Variants in SPATS2L observed in about 807,000 individuals in gnomAD.
SPATS2L encodes the protein spermatogenesis associated serine rich 2 like, also known as SPATS2-like protein.
Under a neutral mutation model 59.6 loss-of-function variants are expected in SPATS2L, and 30 were observed. The ratio of observed to expected loss-of-function variants is 0.50; its 90% CI spans 0.38 to 0.68. The LOEUF (loss-of-function observed/expected upper bound fraction) is 0.68, where lower values mean the gene tolerates loss of function less well. Among genes scored for constraint, SPATS2L ranks in the 30% least tolerant of loss-of-function variants. The pLI is 0.00. For missense variants in SPATS2L, 615 were observed against 700.0 expected (o/e 0.88, Z 1.37); for synonymous variants, 252 against 263.5 (o/e 0.96, Z 0.42).
upstream of SPATS2L, chr2:200,306,627 G>C: frequency 1.0e-6 from 1 of 992,888 alleles, no homozygotes; most frequent in Non-Finnish European, 1.2e-6. Context: ...GGGAAGGCGG[G>C]CGGGTCGGCG....
chr2:200,412,562 C>T (rs1214903387), intron 4 of SPATS2L, 143 bp downstream of exon 4: 12 of 406,690 alleles, frequency 3.0e-5, no homozygotes, highest in East Asian at 2.6e-4. Context: ...CACATGATTG[C>T]GCTACTGCAC....
intron 2 of SPATS2L, chr2:200,372,246 C>T (rs2081450263): frequency 2.1e-6 from 2 of 958,668 alleles, no homozygotes; most frequent in African/African-American, 1.8e-5. Flanking sequence ...CCCATCTTCC[C>T]GAACTGTAAG....
intron 2 of SPATS2L, among the ~76,000 whole-genome samples, chr2:200,350,085 C>T (rs1169060992): frequency 6.6e-6 from 1 of 152,140 alleles, no homozygotes; most frequent in Non-Finnish European, 1.5e-5. Context: ...CTCTTGGGTT[C>T]AGTTTTCTAG....
In SPATS2L at chr2:200,477,773, A is replaced by T; in HGVS notation, c.1419A>T (p.Arg473Ser). The change falls in exon 13 of 13, where the codon AGA (arginine) becomes AGT (serine). Residue 473 changes from arginine (R) to serine (S), a missense_variant. Coordinates refer to ENST00000409140, the MANE Select transcript of SPATS2L (RefSeq NM_001100423.2). ...GKGNSRHEHR[R>S]QPHNGFRPKN... ...GCAACAGCCGCCACGAACACAGAAG[A>T]CAGCCGCACAACGGCTTCCGGCCCA... 1 of 1,581,154 alleles carries T rather than the reference A, an allele frequency of 6.3e-7. No individual in the cohort carries two copies. Among genetic ancestry groups the T allele is most frequent in the South Asian group, 1.2e-5 (1 of 86,602 alleles).
upstream of SPATS2L, chr2:200,306,169 C>T: frequency 1.0e-6 from 1 of 999,114 alleles, no homozygotes. Flanking sequence ...AGGTCATTTT[C>T]GAATGGGCTA....
chr2:200,451,938 G>A (rs1293989191), intron 8 of SPATS2L, among the ~76,000 whole-genome samples: 1 of 151,086 alleles, frequency 6.6e-6, no homozygotes, highest in Non-Finnish European at 1.5e-5. Context: ...TTTGAAATTT[G>A]TTTCATTTTA....
rs752006083 is a variant in SPATS2L, at chr2:200,423,293, T to G, written c.445+3797T>G. Among the ~76,000 whole-genome samples the G allele has an allele frequency of 2.4e-4, 37 of 152,346 alleles. No homozygotes were observed. In the Middle Eastern group the frequency reaches 0.01, roughly 42 times the overall value. On this transcript the variant is annotated intron_variant, in intron 6 of 12. Coordinates refer to ENST00000409140, the MANE Select transcript of SPATS2L (RefSeq NM_001100423.2). ...TCAGAAAGTTGATGGCAAAACTATC[T>G]AATGGCTTTAAAATGCTTGCTCAAT...
rs149078107 is a variant in SPATS2L at position 200,380,197 on chromosome 2, T to A, written c.-22-9026T>A. 3.9e-5 allele frequency among the ~76,000 whole-genome samples: 6 copies of A among 152,300 alleles called. No homozygotes were observed. In the East Asian group the frequency reaches 1.2e-3, roughly 29 times the overall value. On this transcript the variant is annotated intron_variant, in intron 2 of 12. Transcript: ENST00000409140. ...CCGCTGCATTTATTTTAGCTGTCCT[T>A]TGCTCTTTTGTGCCCATTTGCATTC...
intron 8 of SPATS2L, among the ~76,000 whole-genome samples, chr2:200,448,139 C>T (rs1262306885): frequency 1.3e-5 from 2 of 152,060 alleles, no homozygotes; most frequent in Non-Finnish European, 2.9e-5. Flanking sequence ...GAGAAAGACC[C>T]TGTCTCAAAA....
chr2:200,323,674 C>T (rs929487305), intron 1 of SPATS2L, among the ~76,000 whole-genome samples: 4 of 152,010 alleles, frequency 2.6e-5, no homozygotes, highest in African/African-American at 9.7e-5. Flanking sequence ...GGGAAGGGGG[C>T]CTTTTGACTT....
chr2:200,401,867 T>C (rs2082540129), intron 3 of SPATS2L, among the ~76,000 whole-genome samples: 1 of 152,200 alleles, frequency 6.6e-6, no homozygotes, highest in Non-Finnish European at 1.5e-5. Context: ...TCAGTTCTTT[T>C]CTGGAGCTCC....
chr2:200,451,979 G>T (rs1404366560), intron 8 of SPATS2L, among the ~76,000 whole-genome samples: 3 of 152,042 alleles, frequency 2.0e-5, no homozygotes, highest in Non-Finnish European at 4.4e-5. Context: ...CAGTTTTTTA[G>T]TAGAGATGGG....
rs951156246 is a variant in SPATS2L at position 200,322,790 on chromosome 2, G to C, written c.-72-6641G>C. ...GGTAATCCTGATTTGTCATTTTGTG[G>C]GTTTCAATTCTTAGTAAAAATGGGG... On this transcript the variant is annotated intron_variant, in intron 1 of 12. Coordinates refer to ENST00000409140, the MANE Select transcript of SPATS2L (RefSeq NM_001100423.2). 3.5e-4 allele frequency among the ~76,000 whole-genome samples: 54 copies of C among 152,128 alleles called. 1 individual carries two copies. The highest frequency in any genetic ancestry group is 1.2e-3 in the African/African-American group (48 of 41,426).
At chr2:200,455,960 C>T (rs190685323) in intron 8 of SPATS2L, among the ~76,000 whole-genome samples, 1 of 152,292 alleles carries the variant, frequency 6.6e-6, no homozygotes, top group Admixed American at 6.5e-5. Context: ...TCCTCTCTGA[C>T]CTTCTTTTAG....
chr2:200,335,022 T>C (rs1012268610), intron 2 of SPATS2L, among the ~76,000 whole-genome samples: 1 of 152,210 alleles, frequency 6.6e-6, no homozygotes, highest in Non-Finnish European at 1.5e-5. Context: ...ATGTGAACTT[T>C]AAAGTAGTTT....
chr2:200,394,463 G>T (rs2082269312), intron 3 of SPATS2L, among the ~76,000 whole-genome samples: 1 of 152,190 alleles, frequency 6.6e-6, no homozygotes, highest in African/African-American at 2.4e-5. Context: ...GAGTGTAATT[G>T]TTAGTTGTGG....
intron 2 of SPATS2L, among the ~76,000 whole-genome samples, chr2:200,379,070 CTCTAAT>C (rs913821608): frequency 6.6e-6 from 1 of 152,188 alleles, no homozygotes; most frequent in Non-Finnish European, 1.5e-5. Context: ...TGAATTCCAA[CTCTAAT>C]TCTTCCAGTT....
chr2:200,458,030 A>C (rs2085971768), intron 8 of SPATS2L, among the ~76,000 whole-genome samples: 1 of 152,372 alleles, frequency 6.6e-6, no homozygotes, highest in South Asian at 2.1e-4. Flanking sequence ...TATAATTAAA[A>C]TATACAAACA....
chr2:200,439,421 G>C, intron 7 of SPATS2L, 93 bp downstream of exon 7: 24 of 1,075,068 alleles, frequency 2.2e-5, no homozygotes, highest in Non-Finnish European at 3.2e-5. Flanking sequence ...ATGCTGCTTA[G>C]TGAAGAGAGA....
Sources: allele counts gnomAD v4.1 joint callset (sites outside exome capture counted in the v4.1 genomes callset), GRCh38; gene constraint gnomAD v4.1.1; transcripts MANE v1.5; gene names NCBI Gene and HGNC (gene_info 2026-07-23, HGNC 2026-07-21).